TMCC1: variants seen among roughly 807,000 people sequenced by gnomAD.
The protein encoded by TMCC1 is transmembrane and coiled-coil domain family 1.
TMCC1 carries 15 observed loss-of-function variants against 52.4 expected under a neutral mutation model. That is an observed-to-expected ratio of 0.29 (90% CI 0.19 to 0.44). TMCC1 has a LOEUF of 0.44. Among genes scored for constraint, TMCC1 ranks in the 20% least tolerant of loss-of-function variants. TMCC1 has a pLI of 1.00. For synonymous variants in TMCC1, 279 were observed against 301.9 expected, an observed-to-expected ratio of 0.92 and a Z score of 0.79; for missense variants, 503 against 806.0, an observed-to-expected ratio of 0.62 and a Z score of 4.55.
At chr3:129,862,617 A>T (rs953644263) in intron 2 of TMCC1, among the ~76,000 whole-genome samples, 9 of 152,224 alleles carry the variant, frequency 5.9e-5, no homozygotes, top group African/African-American at 1.2e-4. Flanking sequence ...TGCTGAATAA[A>T]TATTAGATGG....
chr3:129,775,787 C>T (rs1171149393), intron 4 of TMCC1, among the ~76,000 whole-genome samples: 4 of 152,160 alleles, frequency 2.6e-5, no homozygotes, highest in Non-Finnish European at 5.9e-5. Context: ...TGTTACCACC[C>T]TAATGCAAGG....
At chr3:129,873,781 G>T (rs114723505) in intron 2 of TMCC1, among the ~76,000 whole-genome samples, 240 of 152,288 alleles carry the variant, frequency 1.6e-3, no homozygotes, top group Non-Finnish European at 3.0e-3. Flanking sequence ...CTTGGAACCA[G>T]AAGTGTTTTA....
intron 4 of TMCC1, among the ~76,000 whole-genome samples, chr3:129,733,529 C>T (rs2050710368): frequency 6.6e-6 from 1 of 152,136 alleles, no homozygotes. Flanking sequence ...ACATTTCATT[C>T]TTTCATGCCC....
At chr3:129,670,190 C>T in intron 5 of TMCC1, 140 bp downstream of exon 5, 1 of 809,212 alleles carries the variant, frequency 1.2e-6, no homozygotes, top group Non-Finnish European at 1.9e-6. Flanking sequence ...ATCAGGAACT[C>T]ATGTGGATGT....
At chr3:129,882,313 C>A in intron 1 of TMCC1, among the ~76,000 whole-genome samples, 2 of 151,542 alleles carry the variant, frequency 1.3e-5, no homozygotes, top group Non-Finnish European at 1.5e-5. Context: ...AATCAGATAC[C>A]ACTCATACCC....
At chr3:129,702,821 G>A (rs893394224) in intron 4 of TMCC1, among the ~76,000 whole-genome samples, 19 of 152,034 alleles carry the variant, frequency 1.2e-4, no homozygotes, top group African/African-American at 3.4e-4. Context: ...TTCGACACCC[G>A]CCTGGCTAAC....
chr3:129,777,297 C>A (rs143686667), intron 4 of TMCC1, among the ~76,000 whole-genome samples: 158 of 152,222 alleles, frequency 1.0e-3, no homozygotes, highest in African/African-American at 3.4e-3. Context: ...TGATCAAAAA[C>A]ACAGTATAAA....
At chr3:129,816,567 C>A (rs1323072465) in intron 4 of TMCC1, among the ~76,000 whole-genome samples, 6 of 151,724 alleles carry the variant, frequency 4.0e-5, no homozygotes, top group Non-Finnish European at 1.5e-5. Context: ...CTAGTGGTTA[C>A]CAGAGGCTTG....
chr3:129,849,423 C>T (rs974802393), intron 2 of TMCC1, among the ~76,000 whole-genome samples: 1 of 150,968 alleles, frequency 6.6e-6, no homozygotes, highest in African/African-American at 2.4e-5. Context: ...TTGCATGCCA[C>T]TGCACTCCAA....
intron 2 of TMCC1, among the ~76,000 whole-genome samples, chr3:129,876,908 G>C (rs1454935717): frequency 6.6e-6 from 1 of 152,190 alleles, no homozygotes; most frequent in Non-Finnish European, 1.5e-5. Flanking sequence ...AGTGAGCTGA[G>C]ATCGTGCCAC....
At chr3:129,748,306 GT>G (rs1241616979) in intron 4 of TMCC1, among the ~76,000 whole-genome samples, 1 of 152,108 alleles carries the variant, frequency 6.6e-6, no homozygotes, top group Non-Finnish European at 1.5e-5. Context: ...TGTTGTTGTT[GT>G]TTTGAGAGGG....
intron 4 of TMCC1, among the ~76,000 whole-genome samples, chr3:129,760,392 C>A (rs200442275): frequency 7.6e-6 from 1 of 132,436 alleles, no homozygotes; most frequent in Non-Finnish European, 1.7e-5. Flanking sequence ...CGTGCTACCA[C>A]GCCAGGCTAG....
chr3:129,806,595 C>A (rs1194500230), intron 4 of TMCC1, among the ~76,000 whole-genome samples: 1 of 152,132 alleles, frequency 6.6e-6, no homozygotes, highest in Non-Finnish European at 1.5e-5. Context: ...GAGAAGGAAG[C>A]CATGGTTAAC....
At chr3:129,793,748 C>A (rs904095715) in intron 4 of TMCC1, among the ~76,000 whole-genome samples, 3 of 152,194 alleles carry the variant, frequency 2.0e-5, no homozygotes. Context: ...AAAAGCTGCA[C>A]ACATGGAACC....
intron 4 of TMCC1, among the ~76,000 whole-genome samples, chr3:129,772,677 C>T (rs1258094428): frequency 8.8e-5 from 12 of 136,968 alleles, no homozygotes; most frequent in African/African-American, 2.4e-4. Flanking sequence ...GAGCCGAGAT[C>T]GTGCCACTGC....
chr3:129,698,803 G>C (rs2108966791), intron 4 of TMCC1, among the ~76,000 whole-genome samples: 1 of 152,112 alleles, frequency 6.6e-6, no homozygotes, highest in South Asian at 2.1e-4. Context: ...ATACATTACA[G>C]AGAACATACA....
chr3:129,768,592 T>C (rs2076363253), intron 4 of TMCC1, among the ~76,000 whole-genome samples: 1 of 152,212 alleles, frequency 6.6e-6, no homozygotes, highest in African/African-American at 2.4e-5. Flanking sequence ...GTTTGAGCAC[T>C]AAATTGCAAA....
chr3:129,684,890 T>G (rs1385901091), intron 4 of TMCC1, among the ~76,000 whole-genome samples: 1 of 152,208 alleles, frequency 6.6e-6, no homozygotes, highest in African/African-American at 2.4e-5. Context: ...GCTTTACAAT[T>G]TAATTCATTT....
At chr3:129,688,105 A>G in intron 4 of TMCC1, 1 of 969,068 alleles carries the variant, frequency 1.0e-6, no homozygotes, top group Non-Finnish European at 1.2e-6. Context: ...AGTTATTGCT[A>G]AGAAGCAATT....
Sources: gnomAD v4.1 joint callset for allele counts (sites outside exome capture counted in the v4.1 genomes callset) on GRCh38, gnomAD v4.1.1 for gene constraint, MANE v1.5 for transcripts, NCBI Gene and HGNC (gene_info 2026-07-23, HGNC 2026-07-21) for gene names.